PHF21B: variants seen among roughly 807,000 people sequenced by gnomAD.
PHF21B encodes PHD finger protein 21B.
In PHF21B, 22 loss-of-function variants were observed where a neutral mutation model predicts 62.2. The observed-to-expected ratio is 0.35, with a 90% CI of 0.25 to 0.51. The LOEUF is 0.51. PHF21B is among the 20% of genes least tolerant of loss of function. The probability of loss-of-function intolerance (pLI) is 0.97; values close to 1 mark genes in which losing one functional copy is unlikely to be tolerated. For synonymous variants in PHF21B, 341 were observed against 314.7 expected, an observed-to-expected ratio of 1.08 and a Z score of -0.88; for missense variants, 701 against 707.9, an observed-to-expected ratio of 0.99 and a Z score of 0.11.
intron 5 of PHF21B, among the ~76,000 whole-genome samples, chr22:44,907,742 C>T (rs772222708): frequency 5.9e-5 from 9 of 152,252 alleles, no homozygotes; most frequent in South Asian, 2.1e-4. Flanking sequence ...CTGAAACAGA[C>T]GGTAAACAAG....
At chr22:44,897,586 G>T (rs2071083379) in intron 5 of PHF21B, among the ~76,000 whole-genome samples, 1 of 152,078 alleles carries the variant, frequency 6.6e-6, no homozygotes, top group South Asian at 2.1e-4. Flanking sequence ...TGATGAATCT[G>T]TGAGTCAATA....
At position 45,002,585 on chromosome 22, in the gene PHF21B, G is replaced by A. The variant is rs545905067; in HGVS notation, c.120+5960C>T. On this transcript the variant is annotated intron_variant, in intron 2 of 12. Coordinates refer to ENST00000313237, the MANE Select transcript of PHF21B (RefSeq NM_138415.5). ...TGGGGCCTGTCAAGAGGCTCCCCAC[G>A]CAGGTGACAAACACCTAAGTATCTC... Among the ~76,000 whole-genome samples, 5 of 152,294 alleles carry A rather than the reference G, an allele frequency of 3.3e-5. No individual in the cohort carries two copies. In the South Asian group the frequency reaches 8.3e-4, roughly 25 times the overall value.
chr22:44,895,610 A>G (rs1357502642), intron 6 of PHF21B, among the ~76,000 whole-genome samples: 2 of 152,186 alleles, frequency 1.3e-5, no homozygotes, highest in African/African-American at 4.8e-5. Context: ...TGAGGCATAC[A>G]GAAGTAACCT....
chr22:44,949,310 GA>G (rs950091010), intron 2 of PHF21B, among the ~76,000 whole-genome samples: 11 of 126,828 alleles, frequency 8.7e-5, no homozygotes, highest in East Asian at 6.0e-4. Context: ...TCAAAAAAAA[GA>G]AAAAAAAAAA....
chr22:44,890,611 C>T (rs1195685600), intron 8 of PHF21B, among the ~76,000 whole-genome samples: 2 of 152,238 alleles, frequency 1.3e-5, no homozygotes, highest in Non-Finnish European at 2.9e-5. Flanking sequence ...AGCTGGTCGT[C>T]ATTTCCTGCT....
intron 3 of PHF21B, among the ~76,000 whole-genome samples, chr22:44,916,990 C>T (rs1206685966): frequency 6.6e-6 from 1 of 152,260 alleles, no homozygotes; most frequent in African/African-American, 2.4e-5. Flanking sequence ...GCAAAGCCCC[C>T]TTTGGCCTTG....
At chr22:44,889,943 T>C (rs1473103610) in intron 8 of PHF21B, among the ~76,000 whole-genome samples, 161 bp from the exon 9 acceptor site, 3 of 148,254 alleles carry the variant, frequency 2.0e-5, no homozygotes, top group African/African-American at 7.6e-5. Flanking sequence ...CCCCAGGGCA[T>C]GATGGGAATA....
intron 5 of PHF21B, among the ~76,000 whole-genome samples, chr22:44,905,582 G>T (rs1266550402): frequency 2.6e-5 from 4 of 152,152 alleles, no homozygotes; most frequent in African/African-American, 9.7e-5. Context: ...TCTCGCATAT[G>T]TTAGAATTCT....
At chr22:45,000,024 G>A (rs2073186321) in intron 2 of PHF21B, among the ~76,000 whole-genome samples, 3 of 152,128 alleles carry the variant, frequency 2.0e-5, no homozygotes, top group Admixed American at 2.0e-4. Flanking sequence ...GGCTGGCCAT[G>A]AACTATTATT....
At chr22:44,921,541 A>G (rs532552670) in intron 2 of PHF21B, among the ~76,000 whole-genome samples, 1 of 149,662 alleles carries the variant, frequency 6.7e-6, no homozygotes, top group Admixed American at 6.7e-5. Context: ...AATTTTTTGT[A>G]TTTTTAGTAG....
chr22:44,914,126 A>C, intron 4 of PHF21B, 38 bp from the exon 5 acceptor site: 38 of 460,902 alleles, frequency 8.2e-5, no homozygotes, highest in Middle Eastern at 6.5e-4. Context: ...GAGGAAGGGA[A>C]GAGTGAGGGG....
At chr22:44,920,572 G>T (rs2071517726) in intron 2 of PHF21B, 82 bp from the exon 3 acceptor site, 1 of 987,360 alleles carries the variant, frequency 1.0e-6, no homozygotes, top group South Asian at 1.6e-5. Flanking sequence ...CCAAGCAGGG[G>T]GCAGCTGCCT....
In PHF21B at chr22:44,929,416, G is replaced by A. The variant is rs139647535; in HGVS notation, c.121-8926C>T. Among the ~76,000 whole-genome samples the A allele has an allele frequency of 3.2e-3, 485 of 152,340 alleles. 2 individuals carry two copies. The highest frequency in any genetic ancestry group is 0.011 in the African/African-American group (465 of 41,576). On this transcript the variant is annotated intron_variant, in intron 2 of 12. Transcript: ENST00000313237. ...AAGCTCATCCAGGAGGGACCAGCAA[G>A]GGCCACGGCGAGTGCATGTGAAAAT...
At chr22:44,901,274 A>G (rs895514077) in intron 5 of PHF21B, among the ~76,000 whole-genome samples, 2 of 152,166 alleles carry the variant, frequency 1.3e-5, no homozygotes, top group Non-Finnish European at 2.9e-5. Flanking sequence ...TACTGGCCTG[A>G]CCTGGGAAGG....
intron 2 of PHF21B, among the ~76,000 whole-genome samples, chr22:44,951,588 G>A (rs918584837): frequency 2.6e-5 from 4 of 152,214 alleles, no homozygotes; most frequent in Non-Finnish European, 5.9e-5. Context: ...ATTAACACCT[G>A]TGAGATGCAT....
At chr22:44,949,929 T>A (rs2072160315) in intron 2 of PHF21B, among the ~76,000 whole-genome samples, 1 of 152,174 alleles carries the variant, frequency 6.6e-6, no homozygotes, top group Non-Finnish European at 1.5e-5. Flanking sequence ...AATCACAGCT[T>A]CCAAAACGCT....
chr22:44,940,229 G>A (rs1398139453), intron 2 of PHF21B, among the ~76,000 whole-genome samples: 1 of 152,236 alleles, frequency 6.6e-6, no homozygotes, highest in Non-Finnish European at 1.5e-5. Context: ...CTCCGGGCAA[G>A]CCTGTCCACA....
At chr22:44,891,251 A>T in intron 8 of PHF21B, 55 bp downstream of exon 8, 1 of 1,595,014 alleles carries the variant, frequency 6.3e-7, no homozygotes, top group South Asian at 1.1e-5. Context: ...CCACCCAGGG[A>T]TGACTCCCCG....
chr22:45,009,321 A>C lies in PHF21B; in HGVS notation c.54+175T>G. The C allele has an allele frequency of 1.5e-6, 1 of 659,138 alleles. No homozygotes were observed. The highest frequency in any genetic ancestry group is 1.9e-5 in the African/African-American group (1 of 51,936). 40.8% of individuals were successfully genotyped at this position (659,138 alleles called of 1,614,324 possible). A position where few individuals can be genotyped will look rare whatever the true frequency, so the allele number is the denominator to read the frequency against. On this transcript the variant is annotated intron_variant, in intron 1 of 12. Coordinates refer to ENST00000313237, the MANE Select transcript of PHF21B (RefSeq NM_138415.5). This position sits in a 1 kb window ranked among gnomAD's most constrained non-coding sequence, Gnocchi z 5.9. ...GCAGGACAGCGCCAGGGGCAGGCGGAGGGGAGCCCAGAAGGGGGTCCGCGC... is the reference window on the plus strand; with the variant it reads ...GCAGGACAGCGCCAGGGGCAGGCGGCGGGGAGCCCAGAAGGGGGTCCGCGC...
Sources: allele counts gnomAD v4.1 joint callset (sites outside exome capture counted in the v4.1 genomes callset), GRCh38; gene constraint gnomAD v4.1.1; non-coding constraint Gnocchi (gnomAD v3.1); transcripts MANE v1.5; gene names NCBI Gene and HGNC (gene_info 2026-07-23, HGNC 2026-07-21).